EPS15: variants seen among roughly 807,000 people sequenced by gnomAD.
EPS15 encodes epidermal growth factor receptor pathway substrate 15, also known as epidermal growth factor receptor substrate 15.
A neutral mutation model predicts 113.8 loss-of-function variants in EPS15; 72 were observed. That is an observed-to-expected ratio of 0.63 (90% confidence interval 0.52 to 0.77). The LOEUF is 0.77. Among genes scored for constraint, EPS15 ranks in the 30% least tolerant of loss-of-function variants. The pLI is 0.00. For synonymous variants in EPS15, 344 were observed against 363.4 expected (o/e 0.95, Z 0.61); for missense variants, 1,048 against 1,045.8 (o/e 1.00, Z -0.03).
chr1:51,428,188 C>G (rs1435795765), intron 12 of EPS15, among the ~76,000 whole-genome samples: 1 of 151,936 alleles, frequency 6.6e-6, no homozygotes, highest in East Asian at 1.9e-4. Flanking sequence ...TATTCTCAGA[C>G]AAACAAAGGC....
chr1:51,360,401 C>T (rs998879031), intron 24 of EPS15, among the ~76,000 whole-genome samples: 6 of 152,144 alleles, frequency 3.9e-5, no homozygotes, highest in Non-Finnish European at 8.8e-5. Context: ...TATGACATTG[C>T]TTTATGTCTC....
At chr1:51,357,418 ATATATATATTTTT>A (rs1322808001) in intron 24 of EPS15, among the ~76,000 whole-genome samples, 1,335 of 68,814 alleles carry the variant, frequency 0.019, 27 homozygotes, top group Middle Eastern at 0.034. Context: ...ATATATATAT[ATATATATATTTTT>A]TTTTTTTAAA....
chr1:51,488,993 GA>G (rs1258887882), intron 1 of EPS15, among the ~76,000 whole-genome samples: 2 of 151,746 alleles, frequency 1.3e-5, no homozygotes, highest in Non-Finnish European at 2.9e-5. Flanking sequence ...GAAAACATGG[GA>G]AAAATACAGC....
At chr1:51,396,465 A>G (rs893762653) in intron 20 of EPS15, among the ~76,000 whole-genome samples, 19 of 152,338 alleles carry the variant, frequency 1.2e-4, no homozygotes, top group African/African-American at 4.6e-4. Context: ...CATGATACTC[A>G]GGAAATGCTC....
intron 12 of EPS15, among the ~76,000 whole-genome samples, chr1:51,430,977 T>TAC (rs67920039): frequency 0.022 from 2,710 of 121,962 alleles, 40 homozygotes; most frequent in Middle Eastern, 0.041. Context: ...ATTACTTACA[T>TAC]ACACACACAC....
At chr1:51,358,127 T>C (rs1449581769) in intron 24 of EPS15, among the ~76,000 whole-genome samples, 1 of 152,084 alleles carries the variant, frequency 6.6e-6, no homozygotes, top group African/African-American at 2.4e-5. Flanking sequence ...CTTGGCAACA[T>C]GGCAAAACTC....
chr1:51,357,420 ATATATAT>A (rs1463152926), intron 24 of EPS15, among the ~76,000 whole-genome samples: 50 of 68,762 alleles, frequency 7.3e-4, no homozygotes, highest in East Asian at 1.1e-3. Context: ...ATATATATAT[ATATATAT>A]TTTTTTTTTT....
chr1:51,402,235 T>G (rs1424179283), intron 18 of EPS15, among the ~76,000 whole-genome samples, 200 bp downstream of exon 18: 1 of 151,924 alleles, frequency 6.6e-6, no homozygotes, highest in African/African-American at 2.4e-5. Context: ...TAGTCTCAGC[T>G]ACTCAAGAGG....
At position 51,456,479 on chromosome 1, in the gene EPS15, A is replaced by G. The variant is rs535383608; in HGVS notation, c.561+4612T>C. On this transcript the variant is annotated intron_variant, in intron 8 of 24. Coordinates refer to ENST00000371733, the MANE Select transcript of EPS15 (RefSeq NM_001981.3). ...AAGTCAGTTTTGATTATCTAGTAAAATAAGACCTAAACTTGTATTATACTT... is the reference window on the plus strand; with the variant it reads ...AAGTCAGTTTTGATTATCTAGTAAAGTAAGACCTAAACTTGTATTATACTT... Among the ~76,000 whole-genome samples, 10 of 152,344 alleles carry G rather than the reference A, an allele frequency of 6.6e-5. No homozygotes were observed. The South Asian group carries it at 2.1e-3, about 32-fold the overall frequency.
intron 1 of EPS15, among the ~76,000 whole-genome samples, chr1:51,481,811 A>G (rs1441787260): frequency 2.0e-5 from 3 of 152,216 alleles, no homozygotes; most frequent in African/African-American, 7.2e-5. Flanking sequence ...CAGTTCCATT[A>G]AATTCACACT....
At chr1:51,407,182 G>A (rs1649208841) in intron 15 of EPS15, among the ~76,000 whole-genome samples, 1 of 151,818 alleles carries the variant, frequency 6.6e-6, no homozygotes, top group Non-Finnish European at 1.5e-5. Flanking sequence ...TGATCTCTGT[G>A]TTTCTATCCT....
chr1:51,448,044 A>T lies in EPS15; in HGVS notation c.651+2T>A. 6.2e-7 allele frequency: 1 copy of T among 1,613,558 alleles called. No individual in the cohort carries two copies. The highest frequency in any genetic ancestry group is 1.3e-5 in the African/African-American group (1 of 75,020). ...CAACCGCACAGAGCCTGATATACTGACCGTTTTTCTCTTAGATGGTGGCAC... is the reference window on the plus strand; with the variant it reads ...CAACCGCACAGAGCCTGATATACTGTCCGTTTTTCTCTTAGATGGTGGCAC... On this transcript the variant is annotated splice_donor_variant, in intron 9 of 24. Coordinates refer to ENST00000371733, the MANE Select transcript of EPS15 (RefSeq NM_001981.3). LOFTEE classifies it high-confidence loss of function.
chr1:51,516,275 G>C (rs566963568), intron 1 of EPS15, among the ~76,000 whole-genome samples: 7 of 152,172 alleles, frequency 4.6e-5, no homozygotes, highest in Non-Finnish European at 8.8e-5. Flanking sequence ...TCCTCTAGCA[G>C]AAATAAGTTC....
rs182568349 is a variant in EPS15, at chr1:51,450,563, T to C, written c.562-2428A>G. Among the ~76,000 whole-genome samples, 68 of 151,974 alleles carry C rather than the reference T, an allele frequency of 4.5e-4. No individual in the cohort carries two copies. The East Asian group carries it at 5.4e-3, about 12-fold the overall frequency. The stretch of plus-strand genomic sequence containing the variant: ...AATAAACTTCTGTTTTTCTCTTATC[T>C]TTTGTTACAGGGTTCTCAGCCAAGA... On this transcript the variant is annotated intron_variant, in intron 8 of 24. Coordinates refer to ENST00000371733, the MANE Select transcript of EPS15 (RefSeq NM_001981.3).
chr1:51,460,000 T>C (rs970258902), intron 8 of EPS15, among the ~76,000 whole-genome samples: 2 of 151,742 alleles, frequency 1.3e-5, no homozygotes, highest in African/African-American at 2.4e-5. Context: ...ATCATTAAAT[T>C]AAAAGTCAAA....
chr1:51,462,385 GA>G (rs1476243017), intron 7 of EPS15, among the ~76,000 whole-genome samples: 1 of 147,648 alleles, frequency 6.8e-6, no homozygotes, highest in Non-Finnish European at 1.5e-5. Context: ...AAAAAAAAAA[GA>G]AAGGGCAAGA....
intron 21 of EPS15, chr1:51,382,339 T>C (rs567593399): frequency 2.0e-5 from 3 of 151,868 alleles, no homozygotes; most frequent in African/African-American, 7.2e-5. Context: ...ATACTAAAAC[T>C]AGAAAGATAC....
At chr1:51,448,577 A>C (rs1653267209) in intron 8 of EPS15, among the ~76,000 whole-genome samples, 1 of 152,256 alleles carries the variant, frequency 6.6e-6, no homozygotes, top group Non-Finnish European at 1.5e-5. Flanking sequence ...CATAAAAAAA[A>C]TGCCCAATCT....
At chr1:51,357,929 G>C (rs1646279708) in intron 24 of EPS15, among the ~76,000 whole-genome samples, 2 of 151,866 alleles carry the variant, frequency 1.3e-5, no homozygotes, top group Admixed American at 1.3e-4. Context: ...AGTAGAGATA[G>C]GGTTTCTTCA....
Sources: allele counts gnomAD v4.1 joint callset (sites outside exome capture counted in the v4.1 genomes callset), GRCh38; gene constraint gnomAD v4.1.1; transcripts MANE v1.5; gene names NCBI Gene and HGNC (gene_info 2026-07-23, HGNC 2026-07-21).